Variants in MAP4K3 observed in about 807,000 individuals in gnomAD.
MAP4K3 encodes the protein mitogen-activated protein kinase kinase kinase kinase 3.
In MAP4K3, 94 loss-of-function variants were observed where a neutral mutation model predicts 143.5. The ratio of observed to expected loss-of-function variants is 0.65; its 90% confidence interval spans 0.55 to 0.78. The LOEUF (loss-of-function observed/expected upper bound fraction) is 0.78, where lower values mean the gene tolerates loss of function less well. MAP4K3 is among the 30% of genes least tolerant of loss of function. The pLI, the probability that MAP4K3 is intolerant of heterozygous loss-of-function variation, is 0.00. For missense variants in MAP4K3, 1,077 were observed against 1,068.1 expected, an observed-to-expected ratio of 1.01 and a Z score of -0.12; for synonymous variants, 416 against 347.2, an observed-to-expected ratio of 1.20 and a Z score of -2.20.
In MAP4K3 at chr2:39,325,586, C is replaced by T. The variant is rs1683462973; in HGVS notation, c.850G>A (p.Glu284Lys). 2 of 1,612,872 alleles carry T rather than the reference C, an allele frequency of 1.2e-6. No individual in the cohort carries two copies. Among genetic ancestry groups the T allele is most frequent in the Non-Finnish European group, 1.7e-6 (2 of 1,179,654 alleles). ...GGATTATTTACTTTATCCAACAGCTCGATTGCCAAAGACCGTGTCAAATGT... is the reference window on the plus strand; with the variant it reads ...GGATTATTTACTTTATCCAACAGCTTGATTGCCAAAGACCGTGTCAAATGT... ...TQHLTRSLAIELLDKVNNPDH... is the reference protein window; with the variant it reads ...TQHLTRSLAIKLLDKVNNPDH... Residue 284 changes from glutamate to lysine, a missense_variant, in exon 12 of 34, where the codon GAG (glutamate) becomes AAG (lysine). Glu to Lys is a moderately conservative substitution (Grantham distance 56, BLOSUM62 1). Transcript: ENST00000263881.
In MAP4K3 at chr2:39,260,645, C is replaced by T; in HGVS notation, c.2269G>A (p.Val757Ile). ...DFNQVVRFET[V>I]NPNSTSSWFT... Reference sequence around the variant, plus strand: ...CATGAAGAGGTAGAATTTGGATTGACCGTCTCAAATCGAACCACTTGGTTG... The same window carrying T: ...CATGAAGAGGTAGAATTTGGATTGATCGTCTCAAATCGAACCACTTGGTTG... Residue 757 changes from valine to isoleucine, a missense_variant, in exon 29 of 34, where the codon GTC (valine) becomes ATC (isoleucine). This residue lies in a region of MAP4K3 where 864 missense variants were observed against 801.2 expected (regional missense o/e 1.08). Transcript: ENST00000263881. 1 of 1,614,058 alleles carries T rather than the reference C, an allele frequency of 6.2e-7. No homozygotes were observed. The highest frequency in any genetic ancestry group is 8.5e-7 in the Non-Finnish European group (1 of 1,179,990).
chr2:39,309,548 ATTTTTTTTTT>A (rs749101883), intron 13 of MAP4K3, 29 bp from the exon 14 acceptor site: 155 of 339,390 alleles, frequency 4.6e-4, no homozygotes, highest in African/African-American at 1.7e-3. Flanking sequence ...TAAAACCAGG[ATTTTTTTTTT>A]TTTTTTTTTT....
At chr2:39,354,915 TA>T (rs1665563792) in intron 3 of MAP4K3, among the ~76,000 whole-genome samples, 1 of 152,174 alleles carries the variant, frequency 6.6e-6, no homozygotes, top group African/African-American at 2.4e-5. Flanking sequence ...TGGATGTTGC[TA>T]AAGTATGCTG....
At chr2:39,348,834 G>A (rs1454908313) in intron 3 of MAP4K3, among the ~76,000 whole-genome samples, 5 of 151,982 alleles carry the variant, frequency 3.3e-5, no homozygotes, top group African/African-American at 1.2e-4. Flanking sequence ...GCTATTTTAT[G>A]GTTCTGAAAT....
intron 13 of MAP4K3, among the ~76,000 whole-genome samples, chr2:39,310,542 G>A (rs917049650): frequency 6.6e-6 from 1 of 152,124 alleles, no homozygotes; most frequent in Admixed American, 6.5e-5. Context: ...TGATAATGCT[G>A]CAATAAACTT....
intron 1 of MAP4K3, among the ~76,000 whole-genome samples, chr2:39,387,850 T>G (rs1308684206): frequency 1.3e-5 from 2 of 151,818 alleles, no homozygotes; most frequent in African/African-American, 4.8e-5. Flanking sequence ...AACCAGATAA[T>G]TAAAGATCTA....
chr2:39,430,571 G>GT (rs990541846), intron 1 of MAP4K3, among the ~76,000 whole-genome samples: 5 of 151,750 alleles, frequency 3.3e-5, no homozygotes, highest in East Asian at 1.9e-4. Flanking sequence ...TGAATCGAAG[G>GT]TTTTTTTTGT....
Position 39,272,295 on chromosome 2 carries a change from C to T in MAP4K3, c.1961G>A (p.Arg654Lys). ...VAIPAHKLPD[R>K]ILPRKFSVSA... ...GATGTACCCTTACCTTGGCAGTATT[C>T]TGTCAGGGAGTTTGTGTGCTGGAAT... Residue 654 changes from arginine to lysine, a missense_variant, in exon 26 of 34, where the codon AGA (arginine) becomes AAA (lysine). Coordinates refer to ENST00000263881, the MANE Select transcript of MAP4K3 (RefSeq NM_003618.4). 1 of 1,610,938 alleles carries T rather than the reference C, an allele frequency of 6.2e-7. No individual in the cohort carries two copies. Among genetic ancestry groups the T allele is most frequent in the Non-Finnish European group, 8.5e-7 (1 of 1,177,280 alleles).
intron 26 of MAP4K3, 111 bp from the exon 27 acceptor site, chr2:39,267,358 T>G: frequency 1.3e-6 from 1 of 776,730 alleles, no homozygotes; most frequent in South Asian, 1.5e-5. Flanking sequence ...GGTGCTGACA[T>G]ACTAGCTCAT....
intron 1 of MAP4K3, among the ~76,000 whole-genome samples, chr2:39,421,972 T>C (rs999941604): frequency 5.3e-5 from 8 of 151,744 alleles, no homozygotes; most frequent in African/African-American, 1.7e-4. Context: ...AATTACATAA[T>C]ACTTAATCAC....
At position 39,355,233 on chromosome 2, in the gene MAP4K3, T is replaced by TG. The variant is rs1665576969; in HGVS notation, c.245+1015dup. On this transcript the variant is annotated intron_variant, in intron 3 of 33. Transcript: ENST00000263881. ...AAAATTAGCTGGGCGTGGTGCCACG[T>TG]GGCTGCAGTCCCAGGTACTCAGGAG... Among the ~76,000 whole-genome samples, 3 of 151,806 alleles carry TG rather than the reference T, an allele frequency of 2.0e-5. 1 individual carries two copies. In the South Asian group the frequency reaches 6.3e-4, roughly 32 times the overall value.
intron 1 of MAP4K3, among the ~76,000 whole-genome samples, chr2:39,399,044 TAA>T (rs57189056): frequency 3.6e-4 from 42 of 116,364 alleles, no homozygotes; most frequent in Admixed American, 6.3e-4. Context: ...TCTGTCTCGT[TAA>T]AAAAAAAAAA....
At chr2:39,380,724 T>G (rs570547402) in intron 1 of MAP4K3, among the ~76,000 whole-genome samples, 41 of 152,234 alleles carry the variant, frequency 2.7e-4, no homozygotes, top group Admixed American at 7.2e-4. Flanking sequence ...TCTGCAAGGG[T>G]ACAACACATC....
chr2:39,301,257 A>G (rs1366280904), intron 15 of MAP4K3, among the ~76,000 whole-genome samples: 3 of 152,234 alleles, frequency 2.0e-5, no homozygotes, highest in Admixed American at 2.0e-4. Context: ...AAAAGATAAC[A>G]CATCATAAAA....
At chr2:39,383,573 T>A (rs1005573271) in intron 1 of MAP4K3, among the ~76,000 whole-genome samples, 4 of 152,058 alleles carry the variant, frequency 2.6e-5, no homozygotes, top group Admixed American at 1.3e-4. Context: ...CATACATCCC[T>A]GGTTTACCCA....
At position 39,286,923 on chromosome 2, in the gene MAP4K3, C is replaced by T. The variant is rs777903856; in HGVS notation, c.1516G>A (p.Gly506Ser). 4 of 1,608,648 alleles carry T rather than the reference C, an allele frequency of 2.5e-6. No individual in the cohort carries two copies. The African/African-American group carries it at 5.4e-5, about 22-fold the overall frequency. Residue 506 changes from glycine to serine, a missense_variant, in exon 21 of 34, where the codon GGC (glycine) becomes AGC (serine). By Grantham distance (56) the Gly-to-Ser change is moderately conservative (BLOSUM62 0). This residue lies in a region of MAP4K3 where 864 missense variants were observed against 801.2 expected (regional missense o/e 1.08). Transcript: ENST00000263881. ...TCATTCTGTTGTTGACATAATGAGC[C>T]ATCTCGTTCACCATTTAACTGGAAG... The part of the protein sequence containing the change: ...SSFQLNGERD[G>S]SLCQQQNEHR...
intron 20 of MAP4K3, 43 bp from the exon 21 acceptor site, chr2:39,287,007 A>AGGAGCTCATTCCATTTCCTTCAATAAG: frequency 7.9e-7 from 1 of 1,271,570 alleles, no homozygotes; most frequent in Non-Finnish European, 1.1e-6. Flanking sequence ...ATCTTCATGA[A>AGGAGCTCATTCCATTTCCTTCAATAAG]AACTTTTATT....
intron 2 of MAP4K3, among the ~76,000 whole-genome samples, chr2:39,360,966 C>T (rs1665752951): frequency 6.6e-6 from 1 of 152,088 alleles, no homozygotes; most frequent in African/African-American, 2.4e-5. Flanking sequence ...TAAAGATGAA[C>T]CCTGAAAAGG....
intron 2 of MAP4K3, among the ~76,000 whole-genome samples, chr2:39,372,247 C>T (rs1260089724): frequency 2.0e-5 from 3 of 150,744 alleles, no homozygotes; most frequent in Non-Finnish European, 4.4e-5. Context: ...AAGATCTCTA[C>T]AATGAAAACA....
Sources: gnomAD v4.1 joint callset for allele counts (sites outside exome capture counted in the v4.1 genomes callset) on GRCh38, gnomAD v4.1.1 for gene constraint, gnomAD v4.1.1 regional missense constraint, MANE v1.5 for transcripts, NCBI Gene and HGNC (gene_info 2026-07-23, HGNC 2026-07-21) for gene names.